The following ZNF385D variants were observed in gnomAD, a reference collection of about 807,000 sequenced individuals.
The protein encoded by ZNF385D is zinc finger protein 385D, also known as zinc finger protein 659.
ZNF385D carries 15 observed loss-of-function variants against 35.8 expected under a neutral mutation model. The observed-to-expected ratio is 0.42, with a 90% CI of 0.28 to 0.64. The LOEUF is 0.64. Among genes scored for constraint, ZNF385D ranks in the 30% least tolerant of loss-of-function variants. ZNF385D has a pLI of 0.23. For synonymous variants in ZNF385D, 212 were observed against 186.8 expected, an observed-to-expected ratio of 1.13 and a Z score of -1.10; for missense variants, 474 against 494.6, an observed-to-expected ratio of 0.96 and a Z score of 0.39.
At chr3:22,037,558 TG>T (rs1440058068) in intron 3 of ZNF385D, among the ~76,000 whole-genome samples, 2 of 152,166 alleles carry the variant, frequency 1.3e-5, no homozygotes, top group Non-Finnish European at 2.9e-5. Flanking sequence ...TTGATGGGGT[TG>T]TTTTTTTCTT....
chr3:21,432,249 A>C (rs535962712), intron 5 of ZNF385D, among the ~76,000 whole-genome samples: 2 of 86,546 alleles, frequency 2.3e-5, no homozygotes, highest in South Asian at 1.0e-3. Context: ...TGATCTGCTC[A>C]ACAAATTTTA....
chr3:21,855,371 T>C (rs73820160), intron 3 of ZNF385D, among the ~76,000 whole-genome samples: 5,782 of 152,092 alleles, frequency 0.038, 285 homozygotes, highest in African/African-American at 0.12. Context: ...AAAAGATGCA[T>C]ACTGTACAGA....
intron 3 of ZNF385D, among the ~76,000 whole-genome samples, chr3:21,916,286 T>A (rs113079621): frequency 0.016 from 2,384 of 152,238 alleles, 62 homozygotes; most frequent in African/African-American, 0.052. Context: ...ATAACAAATA[T>A]CATGTATACT....
chr3:21,449,114 G>C (rs10490884), intron 4 of ZNF385D, among the ~76,000 whole-genome samples: 439 of 151,864 alleles, frequency 2.9e-3, no homozygotes, highest in African/African-American at 9.8e-3. Context: ...TTATTGGTTA[G>C]TTCTGTCAAT....
intron 3 of ZNF385D, among the ~76,000 whole-genome samples, chr3:21,947,369 T>A (rs201315902): frequency 3.8e-4 from 43 of 114,128 alleles, no homozygotes; most frequent in Non-Finnish European, 6.5e-4. Context: ...TTATTTATTT[T>A]GAGACAGAGT....
chr3:21,552,675 G>A (rs935842272), intron 3 of ZNF385D, among the ~76,000 whole-genome samples: 3 of 152,144 alleles, frequency 2.0e-5, no homozygotes, highest in African/African-American at 7.2e-5. Context: ...CAAAGAAACT[G>A]CAATGAGTTA....
chr3:22,168,880 T>C (rs1039242145), exon 3 of ZNF385D: 46 of 985,740 alleles, frequency 4.7e-5, no homozygotes, highest in Non-Finnish European at 4.9e-5. Context: ...GATTTGCCAT[T>C]GTAGTGGATT....
chr3:22,143,511 G>A (rs1447753160), intron 3 of ZNF385D, among the ~76,000 whole-genome samples: 1 of 152,054 alleles, frequency 6.6e-6, no homozygotes, highest in Non-Finnish European at 1.5e-5. Flanking sequence ...TCCCATGTAT[G>A]CACTAGACCT....
chr3:21,769,110 T>C (rs776493416), intron 3 of ZNF385D, among the ~76,000 whole-genome samples: 6 of 152,010 alleles, frequency 3.9e-5, no homozygotes, highest in African/African-American at 7.2e-5. Flanking sequence ...CCTTTCTGCA[T>C]CTATTGAGAT....
intron 3 of ZNF385D, among the ~76,000 whole-genome samples, chr3:21,785,154 C>T (rs1290386468): frequency 1.3e-5 from 2 of 152,046 alleles, no homozygotes; most frequent in Non-Finnish European, 2.9e-5. Context: ...TAATTTGCCC[C>T]CAAATCACGT....
chr3:21,604,952 A>C (rs192755212), intron 2 of ZNF385D, among the ~76,000 whole-genome samples: 1 of 152,356 alleles, frequency 6.6e-6, no homozygotes, highest in Admixed American at 6.5e-5. Flanking sequence ...GGTCAGGAGA[A>C]CAGAACACTA....
At chr3:22,170,059 A>C (rs1173937089) in intron 2 of ZNF385D, among the ~76,000 whole-genome samples, 1 of 152,214 alleles carries the variant, frequency 6.6e-6, no homozygotes, top group Non-Finnish European at 1.5e-5. Context: ...AGTTTTCTCT[A>C]CTTCCACTAC....
At chr3:21,726,990 C>A (rs1189736909) in intron 1 of ZNF385D, among the ~76,000 whole-genome samples, 1 of 152,104 alleles carries the variant, frequency 6.6e-6, no homozygotes, top group African/African-American at 2.4e-5. Context: ...ACCAATGGAA[C>A]AGAACAGAGC....
chr3:21,860,155 A>T (rs1207516860), intron 3 of ZNF385D, among the ~76,000 whole-genome samples: 2 of 152,126 alleles, frequency 1.3e-5, no homozygotes, highest in African/African-American at 4.8e-5. Flanking sequence ...ATGCAAAAAA[A>T]GTATTTCTAA....
At chr3:21,987,393 G>T (rs1314395244) in intron 3 of ZNF385D, among the ~76,000 whole-genome samples, 19 of 114,636 alleles carry the variant, frequency 1.7e-4, no homozygotes, top group African/African-American at 9.4e-4. Context: ...GCATTTGCTT[G>T]TCTGTAAAGT....
intron 3 of ZNF385D, among the ~76,000 whole-genome samples, chr3:22,005,522 T>G (rs932665095): frequency 1.3e-5 from 2 of 152,104 alleles, no homozygotes; most frequent in African/African-American, 4.8e-5. Flanking sequence ...AAATAAATGT[T>G]AGAGGTGATA....
chr3:21,556,068 G>GTTTTTTTTTTTTTT (rs148079775), intron 3 of ZNF385D, among the ~76,000 whole-genome samples: 56 of 99,038 alleles, frequency 5.7e-4, no homozygotes, highest in Non-Finnish European at 6.8e-4. Context: ...TTTTGTTTTT[G>GTTTTTTTTTTTTTT]TTTTTTTTTT....
intron 4 of ZNF385D, among the ~76,000 whole-genome samples, chr3:21,503,826 CACTT>C (rs574339963): frequency 1.6e-3 from 241 of 152,224 alleles, no homozygotes; most frequent in Middle Eastern, 0.01. Flanking sequence ...TTCCAATAAA[CACTT>C]ACAGTCAATT....
At chr3:22,211,288 A>G (rs1338753915) in intron 2 of ZNF385D, among the ~76,000 whole-genome samples, 1 of 151,926 alleles carries the variant, frequency 6.6e-6, no homozygotes, top group East Asian at 1.9e-4. Flanking sequence ...ATTAACAATT[A>G]CAGACTGGAA....
Sources: allele counts gnomAD v4.1 joint callset (sites outside exome capture counted in the v4.1 genomes callset), GRCh38; gene constraint gnomAD v4.1.1; transcripts MANE v1.5; gene names NCBI Gene and HGNC (gene_info 2026-07-23, HGNC 2026-07-21).